Variants in LRP1B observed in about 807,000 individuals in gnomAD.
LRP1B encodes the protein LDL receptor related protein 1B.
A neutral mutation model predicts 556.6 loss-of-function variants in LRP1B; 217 were observed. That is an observed-to-expected ratio of 0.39 (90% CI 0.35 to 0.44). LRP1B has a LOEUF of 0.44. Among genes scored for constraint, LRP1B ranks in the 20% least tolerant of loss-of-function variants. The pLI is 1.00. For synonymous variants in LRP1B, 2,047 were observed against 1,865.8 expected (o/e 1.10, Z -2.50); for missense variants, 5,053 against 5,620.8 (o/e 0.90, Z 3.23).
chr2:141,171,686 G>A (rs1680504411), intron 7 of LRP1B, among the ~76,000 whole-genome samples: 1 of 152,064 alleles, frequency 6.6e-6, no homozygotes, highest in Non-Finnish European at 1.5e-5. Context: ...TAAGAGTGTA[G>A]GCTGTGGAGT....
intron 1 of LRP1B, among the ~76,000 whole-genome samples, chr2:142,068,426 G>C (rs1011671109): frequency 6.6e-6 from 1 of 151,506 alleles, no homozygotes; most frequent in African/African-American, 2.4e-5. Flanking sequence ...ACTTGAAAGA[G>C]AAGCTTCTTC....
intron 2 of LRP1B, among the ~76,000 whole-genome samples, chr2:141,508,329 G>A (rs887537935): frequency 1.3e-5 from 2 of 152,090 alleles, no homozygotes; most frequent in African/African-American, 4.8e-5. Flanking sequence ...CATCAGAAGG[G>A]TAACAGCCAC....
chr2:141,975,814 G>A (rs1367246253), intron 1 of LRP1B, among the ~76,000 whole-genome samples: 1 of 152,094 alleles, frequency 6.6e-6, no homozygotes, highest in African/African-American at 2.4e-5. Context: ...CAACTGCTAA[G>A]TCCTTAGTCC....
At chr2:140,801,212 G>T (rs1690497637) in intron 32 of LRP1B, among the ~76,000 whole-genome samples, 1 of 152,084 alleles carries the variant, frequency 6.6e-6, no homozygotes, top group African/African-American at 2.4e-5. Context: ...GATTATTTTA[G>T]GAGACAAAAA....
At chr2:141,783,629 G>A (rs1695333699) in intron 2 of LRP1B, among the ~76,000 whole-genome samples, 1 of 151,716 alleles carries the variant, frequency 6.6e-6, no homozygotes, top group Non-Finnish European at 1.5e-5. Context: ...GGAATATTGT[G>A]TTATTTGAAA....
chr2:140,484,773 G>T (rs1387352389), intron 59 of LRP1B, among the ~76,000 whole-genome samples: 3 of 152,094 alleles, frequency 2.0e-5, no homozygotes, highest in South Asian at 2.1e-4. Context: ...TCCAGCCTGT[G>T]GTCCTGGGTC....
intron 3 of LRP1B, among the ~76,000 whole-genome samples, chr2:141,334,380 C>T (rs933440233): frequency 2.6e-5 from 4 of 152,232 alleles, no homozygotes; most frequent in African/African-American, 7.2e-5. Context: ...AATGTAAAGA[C>T]GTCCACTCCT....
chr2:141,169,793 C>A (rs60699417), intron 7 of LRP1B, among the ~76,000 whole-genome samples: 1 of 141,156 alleles, frequency 7.1e-6, no homozygotes, highest in African/African-American at 2.7e-5. Flanking sequence ...ACCTCCCACA[C>A]CTTAACCAAA....
At chr2:140,556,389 A>G (rs1405820824) in intron 43 of LRP1B, among the ~76,000 whole-genome samples, 1 of 152,016 alleles carries the variant, frequency 6.6e-6, no homozygotes, top group Non-Finnish European at 1.5e-5. Context: ...ATCTGAATAA[A>G]CAGGCCTTAC....
chr2:140,415,709 AGTTC>A (rs1206134227), intron 66 of LRP1B, among the ~76,000 whole-genome samples: 1 of 152,174 alleles, frequency 6.6e-6, no homozygotes, highest in East Asian at 1.9e-4. Flanking sequence ...GCCTGGCCTG[AGTTC>A]TGAACAGGAG....
intron 43 of LRP1B, among the ~76,000 whole-genome samples, chr2:140,574,919 T>C (rs1016428956): frequency 6.6e-6 from 1 of 152,216 alleles, no homozygotes; most frequent in African/African-American, 2.4e-5. Context: ...TCAGCATTCA[T>C]AGCAAATAAT....
chr2:140,836,116 T>C (rs1169340219), intron 31 of LRP1B, among the ~76,000 whole-genome samples: 3 of 152,188 alleles, frequency 2.0e-5, no homozygotes, highest in South Asian at 2.1e-4. Context: ...CTCTTCTAAA[T>C]TTTTTTAATA....
At chr2:140,912,879 C>T (rs1694464294) in intron 21 of LRP1B, among the ~76,000 whole-genome samples, 1 of 151,732 alleles carries the variant, frequency 6.6e-6, no homozygotes, top group Non-Finnish European at 1.5e-5. Flanking sequence ...TCTAGAGTTT[C>T]TCTTTTCTGT....
At chr2:140,253,632 A>G (rs1382956935) in intron 86 of LRP1B, among the ~76,000 whole-genome samples, 2 of 152,142 alleles carry the variant, frequency 1.3e-5, no homozygotes, top group Non-Finnish European at 2.9e-5. Context: ...AAATATGTCC[A>G]GAGATGGAAA....
intron 20 of LRP1B, among the ~76,000 whole-genome samples, chr2:140,948,872 G>A (rs1323306323): frequency 6.6e-5 from 10 of 152,250 alleles, no homozygotes; most frequent in South Asian, 4.1e-4. Context: ...CAGGGAATCC[G>A]CAGAACAGCT....
intron 2 of LRP1B, among the ~76,000 whole-genome samples, chr2:141,663,776 C>T (rs114991948): frequency 0.016 from 2,428 of 152,136 alleles, 25 homozygotes; most frequent in South Asian, 0.025. Context: ...GGAGTTGGTA[C>T]CATTTCTTCT....
chr2:141,555,091 T>C lies in LRP1B; in HGVS notation c.206-74558A>G, dbSNP rs142609798. ...CTTCCACTAGCTGTGATGCACTCTA[T>C]GAAGGACTGGAAATGGACAGAATGC... is the stretch of plus-strand genomic sequence containing the variant. On this transcript the variant is annotated intron_variant, in intron 2 of 90. Transcript: ENST00000389484. Among the ~76,000 whole-genome samples the C allele has an allele frequency of 7.5e-3, 1,135 of 152,088 alleles. 11 individuals are homozygous for C. The highest frequency in any genetic ancestry group is 0.026 in the African/African-American group (1,062 of 41,518).
At chr2:140,915,324 C>T (rs1694542196) in intron 21 of LRP1B, among the ~76,000 whole-genome samples, 1 of 151,808 alleles carries the variant, frequency 6.6e-6, no homozygotes, top group Non-Finnish European at 1.5e-5. Context: ...TGACTAAGCT[C>T]CCACAAGGAT....
chr2:140,350,721 A>T, intron 77 of LRP1B, 76 bp downstream of exon 77: 2 of 1,267,750 alleles, frequency 1.6e-6, no homozygotes, highest in Non-Finnish European at 2.2e-6. Context: ...ATTAGATATT[A>T]TATTAGATAA....
Sources: gnomAD v4.1 joint callset for allele counts (sites outside exome capture counted in the v4.1 genomes callset) on GRCh38, gnomAD v4.1.1 for gene constraint, MANE v1.5 for transcripts, NCBI Gene and HGNC (gene_info 2026-07-23, HGNC 2026-07-21) for gene names.